The following CHRM3 variants were observed in gnomAD, a reference collection of about 807,000 sequenced individuals.
CHRM3 encodes the protein muscarinic acetylcholine receptor M3.
CHRM3 carries 11 observed loss-of-function variants against 41.8 expected under a neutral mutation model. The observed-to-expected ratio is 0.26, with a 90% CI of 0.17 to 0.44. CHRM3 has a LOEUF of 0.44. CHRM3 is among the 20% of genes least tolerant of loss of function. The pLI is 1.00. For synonymous variants in CHRM3, 297 were observed against 301.4 expected (o/e 0.99, Z 0.15); for missense variants, 571 against 745.4 (o/e 0.77, Z 2.72).
At chr1:239,393,328 T>C (rs1299053980) in intron 1 of CHRM3, among the ~76,000 whole-genome samples, 1 of 152,228 alleles carries the variant, frequency 6.6e-6, no homozygotes, top group Non-Finnish European at 1.5e-5. Context: ...GATTTTTCAA[T>C]TTTCTTAGTG....
At chr1:239,864,057 A>T (rs1429524319) in intron 6 of CHRM3, among the ~76,000 whole-genome samples, 1 of 151,482 alleles carries the variant, frequency 6.6e-6, no homozygotes, top group Admixed American at 6.6e-5. Flanking sequence ...ATTTGATAAA[A>T]TTCAGTCCGT....
chr1:239,831,425 C>A (rs1672887576), intron 6 of CHRM3, among the ~76,000 whole-genome samples: 1 of 152,134 alleles, frequency 6.6e-6, no homozygotes, highest in Non-Finnish European at 1.5e-5. Flanking sequence ...TCGATTAAGG[C>A]AACACAGTGT....
chr1:239,899,690 A>G (rs955357391), intron 6 of CHRM3: 9 of 152,146 alleles, frequency 5.9e-5, no homozygotes, highest in African/African-American at 1.9e-4. Context: ...CACTAAGTAT[A>G]TCGTATATAT....
At chr1:239,900,594 T>C (rs1250916044) in intron 6 of CHRM3, among the ~76,000 whole-genome samples, 2 of 152,034 alleles carry the variant, frequency 1.3e-5, no homozygotes, top group African/African-American at 4.8e-5. Context: ...TCTTCCTTGA[T>C]AAAGCTGGGT....
chr1:239,549,550 G>T (rs892386292), intron 3 of CHRM3, among the ~76,000 whole-genome samples: 2 of 149,558 alleles, frequency 1.3e-5, no homozygotes, highest in African/African-American at 2.5e-5. Context: ...AATCCCAGCT[G>T]CCCGGGAGGC....
At chr1:239,645,161 G>A (rs770122085) in intron 4 of CHRM3, among the ~76,000 whole-genome samples, 26 of 152,164 alleles carry the variant, frequency 1.7e-4, no homozygotes, top group Non-Finnish European at 3.1e-4. Context: ...TGTCCCCATC[G>A]TATTTGCAGC....
At chr1:239,845,065 G>A (rs1335360593) in intron 6 of CHRM3, among the ~76,000 whole-genome samples, 1 of 152,168 alleles carries the variant, frequency 6.6e-6, no homozygotes, top group Non-Finnish European at 1.5e-5. Context: ...CAGATGGGCT[G>A]AATGGCATAT....
chr1:239,846,085 AC>A (rs541166610), intron 6 of CHRM3, among the ~76,000 whole-genome samples: 1 of 152,282 alleles, frequency 6.6e-6, no homozygotes, highest in East Asian at 1.9e-4. Context: ...AGTGAAACTT[AC>A]AACTTTTTTT....
At chr1:239,779,410 A>G (rs1410661420) in intron 5 of CHRM3, among the ~76,000 whole-genome samples, 1 of 152,236 alleles carries the variant, frequency 6.6e-6, no homozygotes, top group African/African-American at 2.4e-5. Flanking sequence ...TTACAGAATC[A>G]TGTATCCACC....
chr1:239,747,179 C>A (rs1002858779), intron 5 of CHRM3, among the ~76,000 whole-genome samples: 2 of 151,842 alleles, frequency 1.3e-5, no homozygotes, highest in Non-Finnish European at 2.9e-5. Context: ...TTTATTTTTC[C>A]CACATATAAG....
chr1:239,781,512 T>C (rs1668507377), intron 5 of CHRM3, among the ~76,000 whole-genome samples: 1 of 152,158 alleles, frequency 6.6e-6, no homozygotes, highest in South Asian at 2.1e-4. Context: ...TCTATTTTTG[T>C]TTTGGGGATT....
At chr1:239,580,238 T>G (rs967141000) in intron 3 of CHRM3, among the ~76,000 whole-genome samples, 27 of 147,832 alleles carry the variant, frequency 1.8e-4, no homozygotes, top group African/African-American at 6.5e-4. Flanking sequence ...CAGTCTGTAC[T>G]ACCTGGAAAA....
At chr1:239,743,257 G>A (rs1665017098) in intron 5 of CHRM3, among the ~76,000 whole-genome samples, 1 of 152,062 alleles carries the variant, frequency 6.6e-6, no homozygotes, top group South Asian at 2.1e-4. Context: ...ACTTTTTATT[G>A]TATTTTAGAT....
At chr1:239,499,128 G>A (rs1441775086) in intron 2 of CHRM3, among the ~76,000 whole-genome samples, 2 of 152,126 alleles carry the variant, frequency 1.3e-5, no homozygotes, top group African/African-American at 2.4e-5. Context: ...TAAGTTACTA[G>A]AAATAAAGGG....
rs1001217932 is a variant in CHRM3 at position 239,805,479 on chromosome 1, G to A, written c.-146-21773G>A. Among the ~76,000 whole-genome samples the A allele has an allele frequency of 1.6e-4, 24 of 152,166 alleles. 1 individual carries two copies. Among genetic ancestry groups the A allele is most frequent in the Admixed American group, 1.4e-3 (22 of 15,274 alleles). On this transcript the variant is annotated intron_variant, in intron 5 of 6. Transcript: ENST00000676153. ...TAGGTATTATACATAGACAAGTGGA[G>A]GATTAAGAGAAGAGGGGAAGAGGGG...
intron 5 of CHRM3, among the ~76,000 whole-genome samples, chr1:239,713,693 C>T (rs186549845): frequency 1.3e-3 from 191 of 152,272 alleles, no homozygotes; most frequent in South Asian, 3.7e-3. Flanking sequence ...ACTGTTATGT[C>T]AGCCACAGCT....
At chr1:239,440,197 C>CAA (rs1281168939) in intron 1 of CHRM3, among the ~76,000 whole-genome samples, 12 of 62,194 alleles carry the variant, frequency 1.9e-4, no homozygotes, top group South Asian at 1.2e-3. Context: ...GACTCTGTCT[C>CAA]AAAAAAAAAA....
chr1:239,714,998 G>T (rs944259947), intron 5 of CHRM3, among the ~76,000 whole-genome samples: 1 of 152,078 alleles, frequency 6.6e-6, no homozygotes, highest in Non-Finnish European at 1.5e-5. Context: ...ACCCAGAAAA[G>T]AAAAGACCAT....
At chr1:239,870,473 C>T (rs1462885939) in intron 6 of CHRM3, among the ~76,000 whole-genome samples, 1 of 152,150 alleles carries the variant, frequency 6.6e-6, no homozygotes, top group Non-Finnish European at 1.5e-5. Flanking sequence ...TTCCCGGGAG[C>T]GCTAGACAGG....
Sources: gnomAD v4.1 joint callset for allele counts (sites outside exome capture counted in the v4.1 genomes callset) on GRCh38, gnomAD v4.1.1 for gene constraint, MANE v1.5 for transcripts, NCBI Gene and HGNC (gene_info 2026-07-23, HGNC 2026-07-21) for gene names.